Variants in SEZ6 observed in about 807,000 individuals in gnomAD.
SEZ6 encodes the protein seizure related 6 homolog, also known as seizure protein 6 homolog.
In SEZ6, 53 loss-of-function variants were observed where a neutral mutation model predicts 101.0. The observed-to-expected ratio is 0.52, with a 90% CI of 0.42 to 0.66. SEZ6 has a LOEUF of 0.66. Ranked by LOEUF, SEZ6 falls within the 30% of genes least tolerant of loss-of-function variation. The pLI is 0.00. For synonymous variants in SEZ6, 488 were observed against 512.2 expected, an observed-to-expected ratio of 0.95 and a Z score of 0.64; for missense variants, 1,102 against 1,289.4, an observed-to-expected ratio of 0.85 and a Z score of 2.23.
At position 28,956,181 on chromosome 17, in the gene SEZ6, T is replaced by C; in HGVS notation, c.2930A>G (p.Asp977Gly). The change falls in exon 16 of 17, where the codon GAC becomes GGC. Residue 977 changes from aspartate (D) to glycine (G), a missense_variant. Around this residue, in one of 3 missense-constraint regions of SEZ6, gnomAD observed 140 missense variants for 135.7 expected, o/e 1.03. Coordinates refer to ENST00000317338, the MANE Select transcript of SEZ6 (RefSeq NM_178860.5). Reference protein sequence around the residue: ...YNRITIESAFDNPTYETGSLS... With the variant: ...YNRITIESAFGNPTYETGSLS... The stretch of plus-strand genomic sequence containing the variant: ...TACTCCAGTCTCGTAAGTTGGATTG[T>C]CAAACGCTGACTCTATGGTAATGCG... 2 of 1,313,740 alleles carry C rather than the reference T, an allele frequency of 1.5e-6. No individual in the cohort carries two copies. Among genetic ancestry groups the C allele is most frequent in the South Asian group, 2.3e-5 (2 of 86,436 alleles). The allele number at this position is 1,313,740 out of a possible 1,614,324, so 81.4% of individuals were successfully genotyped here.
intron 1 of SEZ6, among the ~76,000 whole-genome samples, chr17:28,990,156 C>A (rs891475278): frequency 1.3e-5 from 2 of 152,330 alleles, no homozygotes; most frequent in Middle Eastern, 3.4e-3. Context: ...GAGATGTAGG[C>A]ATAGTTAGCA....
intron 4 of SEZ6, 79 bp downstream of exon 4, chr17:28,969,678 A>C: frequency 7.8e-7 from 1 of 1,284,696 alleles, no homozygotes; most frequent in Non-Finnish European, 1.0e-6. Context: ...TCTAGGATGT[A>C]ATTGCACAGA....
chr17:28,957,062 G>C lies in SEZ6; in HGVS notation c.2675C>G (p.Pro892Arg). ...PGHPSHWSDP[P>R]PICRAASLDG... is the part of the protein sequence containing the mutation. ...GCACTCACCAGCCCTACAGATGGGT[G>C]GGGGGTCACTCCAATGCGAGGGGTG... Residue 892 changes from proline to arginine, a missense_variant, in exon 13 of 17, where the codon CCA (proline) becomes CGA (arginine). By Grantham distance (103) the Pro-to-Arg change is moderately radical. Coordinates refer to ENST00000317338, the MANE Select transcript of SEZ6 (RefSeq NM_178860.5). 6.3e-7 allele frequency: 1 copy of C among 1,598,198 alleles called. No homozygotes were observed. The highest frequency in any genetic ancestry group is 8.5e-7 in the Non-Finnish European group (1 of 1,169,874).
intron 5 of SEZ6, among the ~76,000 whole-genome samples, chr17:28,962,294 T>TGCAA (rs950403045): frequency 2.6e-5 from 4 of 152,194 alleles, no homozygotes; most frequent in Admixed American, 2.6e-4. Flanking sequence ...AAGCCTTGCT[T>TGCAA]GCCTCCTCTC....
intron 1 of SEZ6, among the ~76,000 whole-genome samples, chr17:28,998,786 C>A (rs2152693291): frequency 6.6e-6 from 1 of 152,258 alleles, no homozygotes; most frequent in African/African-American, 2.4e-5. Context: ...CCAGGGACCC[C>A]AGAGGCTTGC....
chr17:28,957,706 C>G, intron 11 of SEZ6, 167 bp from the exon 12 acceptor site: 1 of 895,232 alleles, frequency 1.1e-6, no homozygotes, highest in Non-Finnish European at 1.7e-6. Context: ...TGTCCCCTTC[C>G]CATCTATTAG....
intron 3 of SEZ6, among the ~76,000 whole-genome samples, chr17:28,970,736 T>C (rs1437187097): frequency 6.6e-6 from 1 of 152,194 alleles, no homozygotes; most frequent in African/African-American, 2.4e-5. Flanking sequence ...CAGCTAACGG[T>C]CTTAGATCTG....
rs546871662 is a variant in SEZ6 at position 28,967,001 on chromosome 17, GCTT to G, written c.1054+2753_1054+2755del. On this transcript the variant is annotated intron_variant, in intron 4 of 16. Coordinates refer to ENST00000317338, the MANE Select transcript of SEZ6 (RefSeq NM_178860.5). ...TCAGACTGCCTGGGTTTGAATGCAGGCTTCTTCCCTACGTGCTGTGCCACCGTG... is the reference window on the plus strand; with the variant it reads ...TCAGACTGCCTGGGTTTGAATGCAGGCTTCCCTACGTGCTGTGCCACCGTG... Among the ~76,000 whole-genome samples the G allele has an allele frequency of 1.2e-4, 19 of 152,296 alleles. No individual in the cohort carries two copies. In the South Asian group the frequency reaches 3.7e-3, roughly 30 times the overall value.
rs752074133 is a variant in SEZ6, at chr17:28,969,824, T to G, written c.987A>C (p.Gln329His). The G allele has an allele frequency of 2.2e-5, 33 of 1,526,726 alleles. No homozygotes were observed. The highest frequency in any genetic ancestry group is 2.8e-5 in the Non-Finnish European group (32 of 1,148,104). 94.6% of individuals were successfully genotyped at this position (1,526,726 alleles called of 1,614,324 possible). Residue 329 changes from glutamine (Q) to histidine (H), a missense_variant, in exon 4 of 17, where the codon CAA (glutamine) becomes CAC (histidine). By Grantham distance (24) the Gln-to-His change is conservative. Around this residue, in one of 3 missense-constraint regions of SEZ6, gnomAD observed 406 missense variants for 418.6 expected, o/e 0.97. Transcript: ENST00000317338. Reference sequence around the variant, plus strand: ...GGAGGCTCTGGAACCTCAGGGCCGCTTGGTGGGTGGGGCTGCGGATGACTT... The same window carrying G: ...GGAGGCTCTGGAACCTCAGGGCCGCGTGGTGGGTGGGGCTGCGGATGACTT... ...RGQVIRSPTHQAALRFQSLPP... is the reference protein window; with the variant it reads ...RGQVIRSPTHHAALRFQSLPP...
intron 4 of SEZ6, among the ~76,000 whole-genome samples, chr17:28,967,631 TG>T (rs924365130): frequency 3.3e-5 from 5 of 152,254 alleles, no homozygotes; most frequent in Non-Finnish European, 5.9e-5. Context: ...TGACGCCTAG[TG>T]GGGTCTAGAC....
At chr17:28,992,653 G>A (rs1426053904) in intron 1 of SEZ6, among the ~76,000 whole-genome samples, 1 of 152,126 alleles carries the variant, frequency 6.6e-6, no homozygotes, top group African/African-American at 2.4e-5. Context: ...ATCTGTCCTG[G>A]ACAGCGTCTC....
intron 1 of SEZ6, among the ~76,000 whole-genome samples, chr17:28,994,977 G>A (rs536762980): frequency 1.8e-3 from 271 of 150,950 alleles, no homozygotes; most frequent in East Asian, 3.4e-3. Flanking sequence ...GGTTCACTCC[G>A]TTCTCCTGCC....
At position 28,964,155 on chromosome 17, in the gene SEZ6, C is replaced by G; in HGVS notation, c.1055-8G>C. The G allele has an allele frequency of 6.4e-7, 1 of 1,573,254 alleles. No homozygotes were observed. ...GGCAGCTCAGGAGATAGGCTGCAAA[C>G]AGAGAACGGGTGACACTGTGTATGT... On this transcript the variant is annotated splice_polypyrimidine_tract_variant and splice_region_variant and intron_variant, in intron 4 of 16. Transcript: ENST00000317338.
intron 14 of SEZ6, 100 bp downstream of exon 14, chr17:28,956,619 C>G: frequency 2.0e-6 from 3 of 1,526,230 alleles, no homozygotes; most frequent in Non-Finnish European, 1.8e-6. Context: ...CCAAACCTCT[C>G]TCTTTCTCTG....
chr17:28,975,992 C>A (rs1394165421), intron 3 of SEZ6, among the ~76,000 whole-genome samples: 1 of 152,214 alleles, frequency 6.6e-6, no homozygotes, highest in African/African-American at 2.4e-5. Flanking sequence ...GGGCTGGGAC[C>A]CACATGGGCT....
rs1338070979 is a variant in SEZ6, at chr17:28,969,917, C to A, written c.894G>T (p.Val298=). The A allele has an allele frequency of 6.5e-7, 1 of 1,544,422 alleles. No homozygotes were observed. The change falls in exon 4 of 17, where the codon GTG becomes GTT. Residue 298 remains valine, a synonymous_variant. Coordinates refer to ENST00000317338, the MANE Select transcript of SEZ6 (RefSeq NM_178860.5). ...CAGGCCCCCCCAGGCCTTCCACAGTCACTGTCTCCCCTTCCCGGAGGCTGA... is the reference window on the plus strand; with the variant it reads ...CAGGCCCCCCCAGGCCTTCCACAGTAACTGTCTCCCCTTCCCGGAGGCTGA... ...QNISLREGET[V]TVEGLGGPDP...
intron 1 of SEZ6, among the ~76,000 whole-genome samples, chr17:29,002,537 C>T (rs1197200621): frequency 6.6e-6 from 1 of 152,208 alleles, no homozygotes; most frequent in East Asian, 1.9e-4. Flanking sequence ...GTCTCTGGGT[C>T]CTCCAGCCTC....
intron 5 of SEZ6, among the ~76,000 whole-genome samples, chr17:28,961,431 A>AC (rs1428438791): frequency 4.6e-5 from 7 of 151,926 alleles, no homozygotes; most frequent in Non-Finnish European, 1.0e-4. Flanking sequence ...CTTAACTAGG[A>AC]CCCCCTGGAG....
rs765689602 is a variant in SEZ6, at chr17:28,960,626, A to G, written c.1455T>C (p.Tyr485=). The G allele has an allele frequency of 6.3e-7, 1 of 1,594,598 alleles. No individual in the cohort carries two copies. Among genetic ancestry groups the G allele is most frequent in the Non-Finnish European group, 8.5e-7 (1 of 1,170,550 alleles). ...GCAGGTATTCCACCTCATAGGAATC[A>G]TACACTGGTGGGGCCTCCACGTTGT... ...NGDNVEAPPV[Y]DSYEVEYLPI... The change falls in exon 7 of 17, where the codon TAT becomes TAC. Residue 485 remains tyrosine (Y), a synonymous_variant. Coordinates refer to ENST00000317338, the MANE Select transcript of SEZ6 (RefSeq NM_178860.5).
Sources: allele counts gnomAD v4.1 joint callset (sites outside exome capture counted in the v4.1 genomes callset), GRCh38; gene constraint gnomAD v4.1.1; regional missense constraint gnomAD v4.1.1; transcripts MANE v1.5; gene names NCBI Gene and HGNC (gene_info 2026-07-23, HGNC 2026-07-21).